Variants in ZRANB3 observed in about 807,000 individuals in gnomAD.
The protein encoded by ZRANB3 is zinc finger RANBP2-type containing 3.
ZRANB3 carries 125 observed loss-of-function variants against 133.8 expected under a neutral mutation model. The ratio of observed to expected loss-of-function variants is 0.93; its 90% confidence interval spans 0.81 to 1.08. ZRANB3 has a LOEUF of 1.08. Among genes scored for constraint, ZRANB3 ranks in the 50% least tolerant of loss-of-function variants. The probability of loss-of-function intolerance (pLI) is 0.00; values close to 1 mark genes in which losing one functional copy is unlikely to be tolerated. For synonymous variants in ZRANB3, 387 were observed against 432.7 expected (o/e 0.89, Z 1.31); for missense variants, 1,229 against 1,275.5 (o/e 0.96, Z 0.56).
chr2:135,463,422 GT>G (rs1196168517), intron 2 of ZRANB3, among the ~76,000 whole-genome samples: 53 of 144,458 alleles, frequency 3.7e-4, no homozygotes, highest in African/African-American at 4.5e-4. Flanking sequence ...GGAATATGTT[GT>G]TTTTTTTTTT....
intron 2 of ZRANB3, among the ~76,000 whole-genome samples, chr2:135,457,932 T>C (rs1443647209): frequency 6.6e-6 from 1 of 152,152 alleles, no homozygotes; most frequent in Non-Finnish European, 1.5e-5. Flanking sequence ...TCAGTTTATG[T>C]ACTTTTAATT....
At chr2:135,313,665 G>A (rs1683111505) in intron 7 of ZRANB3, 60 bp from the exon 8 acceptor site, 1 of 1,084,898 alleles carries the variant, frequency 9.2e-7, no homozygotes, top group Non-Finnish European at 1.4e-6. Context: ...ACAAATTAAT[G>A]CAATCATGAA....
intron 6 of ZRANB3, among the ~76,000 whole-genome samples, chr2:135,321,155 C>T (rs1683505916): frequency 6.6e-6 from 1 of 152,136 alleles, no homozygotes; most frequent in South Asian, 2.1e-4. Context: ...TTTATCTTTA[C>T]TAAATACCCA....
At chr2:135,528,570 C>T (rs1211039952) in intron 1 of ZRANB3, among the ~76,000 whole-genome samples, 65 of 151,838 alleles carry the variant, frequency 4.3e-4, no homozygotes, top group Non-Finnish European at 7.4e-5. Context: ...CTGGCTCAGA[C>T]GAAACTCAAT....
intron 2 of ZRANB3, chr2:135,504,068 T>C (rs950775399): frequency 1.3e-5 from 6 of 467,682 alleles, no homozygotes; most frequent in Admixed American, 3.3e-5. Flanking sequence ...AAACTGTCAA[T>C]ATATGAGTTG....
intron 13 of ZRANB3, 185 bp from the exon 14 acceptor site, chr2:135,228,200 G>GA (rs1694835771): frequency 4.0e-6 from 2 of 497,624 alleles, no homozygotes; most frequent in African/African-American, 3.9e-5. Context: ...GCAGGAACAG[G>GA]ACAGAGAAAT....
chr2:135,495,531 T>C (rs1217729605), intron 2 of ZRANB3, among the ~76,000 whole-genome samples: 1 of 152,194 alleles, frequency 6.6e-6, no homozygotes, highest in Non-Finnish European at 1.5e-5. Context: ...ATGTTGTTTG[T>C]GTAGAGAGAG....
chr2:135,316,891 G>A (rs1203253930), intron 6 of ZRANB3, among the ~76,000 whole-genome samples: 5 of 150,276 alleles, frequency 3.3e-5, no homozygotes, highest in Admixed American at 2.0e-4. Flanking sequence ...GCTTGAACCC[G>A]GGAAGCAGAG....
At position 135,202,832 on chromosome 2, in the gene ZRANB3, C is replaced by T. The variant is rs1481247888; in HGVS notation, c.3141G>A (p.Glu1047=). 1 of 1,605,902 alleles carries T rather than the reference C, an allele frequency of 6.2e-7. No individual in the cohort carries two copies. The highest frequency in any genetic ancestry group is 8.5e-7 in the Non-Finnish European group (1 of 1,176,020). Reference sequence around the variant, plus strand: ...AAAGCTATATGAGAGCTTCACTGACCTCTTTGTGACAGACTGTGCAGAGAG... The same window carrying T: ...AAAGCTATATGAGAGCTTCACTGACTTCTTTGTGACAGACTGTGCAGAGAG... ...LQTLCTVCHK[E]RTARQAKERS... The change falls in exon 20 of 21, where the codon GAG becomes GAA. Residue 1047 remains glutamate (E), a splice_region_variant and synonymous_variant. Coordinates refer to ENST00000264159, the MANE Select transcript of ZRANB3 (RefSeq NM_032143.4).
intron 1 of ZRANB3, among the ~76,000 whole-genome samples, chr2:135,517,331 C>G (rs1024734259): frequency 6.6e-6 from 1 of 152,022 alleles, no homozygotes; most frequent in African/African-American, 2.4e-5. Flanking sequence ...GAGGAGTGAT[C>G]CTTTGGAGGA....
intron 2 of ZRANB3, among the ~76,000 whole-genome samples, chr2:135,415,130 CAA>C: frequency 8.3e-6 from 1 of 119,878 alleles, no homozygotes; most frequent in East Asian, 2.7e-4. Flanking sequence ...GAAATAGAGA[CAA>C]AAAAAAAACC....
intron 2 of ZRANB3, among the ~76,000 whole-genome samples, chr2:135,403,118 G>A (rs1190305192): frequency 2.0e-5 from 3 of 152,110 alleles, no homozygotes; most frequent in African/African-American, 7.2e-5. Context: ...AGGACAGTAG[G>A]TGCAGTGCAC....
At chr2:135,389,127 A>G (rs919774768) in intron 3 of ZRANB3, among the ~76,000 whole-genome samples, 1 of 152,088 alleles carries the variant, frequency 6.6e-6, no homozygotes, top group Non-Finnish European at 1.5e-5. Context: ...AAAACAACAA[A>G]AGAACTCATC....
In ZRANB3 at chr2:135,515,645, G is replaced by C. The variant is rs546615391; in HGVS notation, c.-7-11149C>G. 8.1e-4 allele frequency among the ~76,000 whole-genome samples: 124 copies of C among 152,310 alleles called. 1 individual carries two copies. Among genetic ancestry groups the C allele is most frequent in the African/African-American group, 2.6e-3 (110 of 41,558 alleles). On this transcript the variant is annotated intron_variant, in intron 1 of 20. Coordinates refer to ENST00000264159, the MANE Select transcript of ZRANB3 (RefSeq NM_032143.4). The stretch of plus-strand genomic sequence containing the variant: ...CTAATTTGCTTGCACTGTGGTCTGA[G>C]AGACTGTTTGTTATGATTTCCATTC...
chr2:135,310,496 A>G (rs1682920428), intron 8 of ZRANB3, among the ~76,000 whole-genome samples: 1 of 152,188 alleles, frequency 6.6e-6, no homozygotes. Context: ...TTTATTTTGT[A>G]GCATATAAAA....
Position 135,271,677 on chromosome 2 carries a change from T to A in ZRANB3, c.1206+91A>T, listed in dbSNP as rs575332393. ...TTATACAAGGCATCCAGATACAAAG[T>A]TACAAGTTTATAAACCAAAGTTATA... On this transcript the variant is annotated intron_variant, in intron 10 of 20. Transcript: ENST00000264159. The A allele has an allele frequency of 1.4e-4, 203 of 1,419,712 alleles. 1 individual carries two copies. In the African/African-American group the frequency reaches 2.6e-3, roughly 18 times the overall value. 87.9% of individuals were successfully genotyped at this position (1,419,712 alleles called of 1,614,324 possible). A position where few individuals can be genotyped will look rare whatever the true frequency, so the allele number is the denominator to read the frequency against.
intron 2 of ZRANB3, among the ~76,000 whole-genome samples, chr2:135,402,000 T>C (rs1432734187): frequency 6.6e-6 from 1 of 152,178 alleles, no homozygotes; most frequent in Non-Finnish European, 1.5e-5. Flanking sequence ...TATTTTTATT[T>C]TGCCTTATTT....
chr2:135,218,971 A>G, intron 16 of ZRANB3, 106 bp downstream of exon 16: 1 of 753,848 alleles, frequency 1.3e-6, no homozygotes, highest in Non-Finnish European at 2.0e-6. Flanking sequence ...ACTCTACAAC[A>G]TGCCACAAAG....
chr2:135,401,001 A>C (rs1687707060), intron 2 of ZRANB3, among the ~76,000 whole-genome samples: 1 of 152,226 alleles, frequency 6.6e-6, no homozygotes, highest in Non-Finnish European at 1.5e-5. Context: ...CAACTACTTT[A>C]AAATCAGGCC....
Sources: allele counts gnomAD v4.1 joint callset (sites outside exome capture counted in the v4.1 genomes callset), GRCh38; gene constraint gnomAD v4.1.1; transcripts MANE v1.5; gene names NCBI Gene and HGNC (gene_info 2026-07-23, HGNC 2026-07-21).